Variants in SEPTIN9 observed in about 807,000 individuals in gnomAD.
The protein encoded by SEPTIN9 is septin 9.
A neutral mutation model predicts 56.6 loss-of-function variants in SEPTIN9; 13 were observed. The ratio of observed to expected loss-of-function variants is 0.23; its 90% CI spans 0.15 to 0.37. The LOEUF (loss-of-function observed/expected upper bound fraction) is 0.37. SEPTIN9 is among the 10% of genes least tolerant of loss of function. SEPTIN9 has a pLI of 1.00. For synonymous variants in SEPTIN9, 332 were observed against 334.1 expected (o/e 0.99, Z 0.07); for missense variants, 650 against 823.1 (o/e 0.79, Z 2.57).
intron 2 of SEPTIN9, among the ~76,000 whole-genome samples, chr17:77,333,230 A>G (rs550772972): frequency 6.6e-5 from 10 of 152,096 alleles, no homozygotes; most frequent in African/African-American, 1.9e-4. Context: ...GGTTGAGCAC[A>G]TTTTCATGAT....
intron 2 of SEPTIN9, among the ~76,000 whole-genome samples, chr17:77,393,675 C>T (rs1295620681): frequency 2.6e-5 from 4 of 152,174 alleles, no homozygotes; most frequent in Non-Finnish European, 4.4e-5. Context: ...CCACAACCTC[C>T]GCCTCCTGGG....
intron 2 of SEPTIN9, among the ~76,000 whole-genome samples, chr17:77,346,714 AG>A (rs1189662383): frequency 2.0e-5 from 3 of 152,108 alleles, no homozygotes; most frequent in Admixed American, 6.6e-5. Flanking sequence ...AGTGTTCTTC[AG>A]ATTATCTGAT....
intron 2 of SEPTIN9, chr17:77,380,258 C>CCCCCCCCCCCCCCCGCAT (rs1309017700): frequency 1.9e-4 from 14 of 75,056 alleles, no homozygotes; most frequent in African/African-American, 2.9e-4. Context: ...CAGTGAGGCC[C>CCCCCCCCCCCCCCCGCAT]GCCCCCCCCC....
intron 3 of SEPTIN9, among the ~76,000 whole-genome samples, chr17:77,417,836 G>A (rs540076942): frequency 8.9e-4 from 135 of 152,296 alleles, no homozygotes; most frequent in African/African-American, 3.2e-3. Flanking sequence ...TCCTCCTACC[G>A]GAGGGGGGGT....
In SEPTIN9 at chr17:77,429,555, C is replaced by T. The variant is rs571562801; in HGVS notation, c.721+26852C>T. 6.6e-6 allele frequency among the ~76,000 whole-genome samples: 1 copy of T among 152,224 alleles called. No homozygotes were observed. Among genetic ancestry groups the T allele is most frequent in the East Asian group, 1.9e-4 (1 of 5,186 alleles). On this transcript the variant is annotated intron_variant, in intron 3 of 11. Transcript: ENST00000427177. This position sits in a 1 kb window ranked among gnomAD's most constrained non-coding sequence, Gnocchi z 5.2. ...TGGTTCCTGTTTTCTGGGCTTTGAT[C>T]GAAAGGGAACAGGGGACACATCTGG...
intron 2 of SEPTIN9, among the ~76,000 whole-genome samples, chr17:77,391,380 C>T (rs114219341): frequency 0.015 from 2,312 of 152,210 alleles, 48 homozygotes; most frequent in African/African-American, 0.051. Flanking sequence ...AGATTCCTGG[C>T]GTTCCTTGGC....
rs2039194498 is a variant in SEPTIN9 at position 77,475,899 on chromosome 17, A to G, written c.722-6245A>G. 1 of 1,610,046 alleles carries G rather than the reference A, an allele frequency of 6.2e-7. No homozygotes were observed. Among genetic ancestry groups the G allele is most frequent in the African/African-American group, 1.3e-5 (1 of 74,852 alleles). On this transcript the variant is annotated intron_variant, in intron 3 of 11. Coordinates refer to ENST00000427177, the MANE Select transcript of SEPTIN9 (RefSeq NM_001113491.2). The surrounding 1 kb of genome is among the most constrained non-coding windows in gnomAD (Gnocchi z 4.6). ...GCTTGGCCACCATTGGCAGTGACAGACAAGGTGTGTGGGGATGTGGCCATT... is the reference window on the plus strand; with the variant it reads ...GCTTGGCCACCATTGGCAGTGACAGGCAAGGTGTGTGGGGATGTGGCCATT...
chr17:77,379,759 C>T (rs2035071814), intron 2 of SEPTIN9, among the ~76,000 whole-genome samples: 1 of 152,196 alleles, frequency 6.6e-6, no homozygotes, highest in Admixed American at 6.5e-5. Context: ...GGTGTATAGC[C>T]TAGGCTGGAG....
At chr17:77,387,088 G>A (rs542497644) in intron 2 of SEPTIN9, among the ~76,000 whole-genome samples, 2 of 152,326 alleles carry the variant, frequency 1.3e-5, no homozygotes, top group South Asian at 2.1e-4. Flanking sequence ...GAGGGCCCCC[G>A]TGACAGTTTG....
intron 2 of SEPTIN9, among the ~76,000 whole-genome samples, chr17:77,312,334 T>A (rs2032532250): frequency 6.6e-6 from 1 of 152,108 alleles, no homozygotes; most frequent in African/African-American, 2.4e-5. Flanking sequence ...CCCCAAAGCC[T>A]CGAGGGTGGA....
At position 77,433,243 on chromosome 17, in the gene SEPTIN9, G is replaced by A. The variant is rs369013954; in HGVS notation, c.721+30540G>A. 2.4e-3 allele frequency among the ~76,000 whole-genome samples: 359 copies of A among 152,314 alleles called. 10 individuals are homozygous for A. In the South Asian group the frequency reaches 0.058, roughly 25 times the overall value. ...CTCGGTCACAGGATGCTGCAGCCAC[G>A]TTGCAGGGAAGGAGAGCCTCCCTTC... is the stretch of plus-strand genomic sequence containing the variant. On this transcript the variant is annotated intron_variant, in intron 3 of 11. Coordinates refer to ENST00000427177, the MANE Select transcript of SEPTIN9 (RefSeq NM_001113491.2). This position sits in a 1 kb window ranked among gnomAD's most constrained non-coding sequence, Gnocchi z 6.4.
chr17:77,302,551 G>T (rs545445241), intron 1 of SEPTIN9, among the ~76,000 whole-genome samples: 3 of 152,274 alleles, frequency 2.0e-5, no homozygotes, highest in Middle Eastern at 3.4e-3. Context: ...GGTAGTGCAT[G>T]CTTGTAATCC....
At chr17:77,378,485 G>A (rs928229435) in intron 2 of SEPTIN9, among the ~76,000 whole-genome samples, 14 of 152,212 alleles carry the variant, frequency 9.2e-5, no homozygotes, top group Admixed American at 6.5e-4. Flanking sequence ...TGTGGTGGGT[G>A]TCGCGGCTGG....
intron 2 of SEPTIN9, among the ~76,000 whole-genome samples, chr17:77,311,754 G>C (rs1298932053): frequency 6.6e-6 from 1 of 152,176 alleles, no homozygotes; most frequent in Non-Finnish European, 1.5e-5. Flanking sequence ...GCTGCTCAAA[G>C]TGTGTCGGAC....
intron 3 of SEPTIN9, among the ~76,000 whole-genome samples, chr17:77,412,752 C>T (rs944254197): frequency 6.6e-6 from 1 of 151,966 alleles, no homozygotes; most frequent in Admixed American, 6.6e-5. Flanking sequence ...ATTTGTACAT[C>T]TTTATCACAG....
chr17:77,444,442 C>T (rs1431774312), intron 3 of SEPTIN9, among the ~76,000 whole-genome samples: 4 of 151,576 alleles, frequency 2.6e-5, no homozygotes, highest in African/African-American at 9.7e-5. Context: ...GAAGAAACAG[C>T]CAGTAGGACT....
At chr17:77,438,690 C>T (rs1363564393) in intron 3 of SEPTIN9, among the ~76,000 whole-genome samples, 2 of 152,226 alleles carry the variant, frequency 1.3e-5, no homozygotes, top group African/African-American at 4.8e-5. Context: ...GTGCGCAGCC[C>T]TGTGGACACC....
chr17:77,454,454 G>A lies in SEPTIN9; in HGVS notation c.722-27690G>A, dbSNP rs149653142. On this transcript the variant is annotated intron_variant, in intron 3 of 11. Transcript: ENST00000427177. The stretch of plus-strand genomic sequence containing the variant: ...GGCGGCCATGCCCAGTCCGCTGTAC[G>A]TGTGAGTTTGTTTGATGAGGAATTG... 5.6e-3 allele frequency: 4,655 copies of A among 832,888 alleles called. 34 individuals carry two copies. The highest frequency in any genetic ancestry group is 0.031 in the South Asian group (560 of 18,252). The allele number at this position is 832,888 out of a possible 1,614,324, so 51.6% of individuals were successfully genotyped here. A position where few individuals can be genotyped will look rare whatever the true frequency, so the allele number is the denominator to read the frequency against.
intron 3 of SEPTIN9, among the ~76,000 whole-genome samples, chr17:77,473,315 C>G (rs2143073369): frequency 6.6e-6 from 1 of 152,340 alleles, no homozygotes; most frequent in South Asian, 2.1e-4. Flanking sequence ...TTAGAGAGTG[C>G]TGCAGGTAAT....
Sources: allele counts gnomAD v4.1 joint callset (sites outside exome capture counted in the v4.1 genomes callset), GRCh38; gene constraint gnomAD v4.1.1; non-coding constraint Gnocchi (gnomAD v3.1); transcripts MANE v1.5; gene names NCBI Gene and HGNC (gene_info 2026-07-23, HGNC 2026-07-21).